The following TRPM3 variants were observed in gnomAD, a reference collection of about 807,000 sequenced individuals.
TRPM3 encodes transient receptor potential cation channel subfamily M member 3, also known as long transient receptor potential channel 3.
In TRPM3, 77 loss-of-function variants were observed where a neutral mutation model predicts 181.2. The observed-to-expected ratio is 0.42, with a 90% CI of 0.35 to 0.51. The LOEUF (loss-of-function observed/expected upper bound fraction) is 0.51, where lower values mean the gene tolerates loss of function less well. Ranked by LOEUF, TRPM3 falls within the 20% of genes least tolerant of loss-of-function variation. TRPM3 has a pLI of 0.01. For missense variants in TRPM3, 1,759 were observed against 2,196.7 expected, an observed-to-expected ratio of 0.80 and a Z score of 3.98; for synonymous variants, 745 against 796.4, an observed-to-expected ratio of 0.94 and a Z score of 1.09.
intron 9 of TRPM3, among the ~76,000 whole-genome samples, chr9:70,655,331 G>GAAAAAGAAA (rs2060192610): frequency 1.0e-5 from 1 of 96,248 alleles, no homozygotes; most frequent in African/African-American, 4.2e-5. Flanking sequence ...AAAAAAAAAA[G>GAAAAAGAAA]AAAAAGAAAA....
intron 1 of TRPM3, among the ~76,000 whole-genome samples, chr9:71,347,586 A>G (rs575965180): frequency 1.8e-4 from 27 of 152,234 alleles, no homozygotes; most frequent in African/African-American, 5.1e-4. Context: ...TGCTCCCCAG[A>G]CAATAAATTC....
chr9:71,190,604 A>G (rs2077960108), intron 1 of TRPM3, among the ~76,000 whole-genome samples: 1 of 151,948 alleles, frequency 6.6e-6, no homozygotes, highest in Non-Finnish European at 1.5e-5. Context: ...AATTTTGTAT[A>G]AACATTTCAA....
At chr9:70,691,444 TTAAG>T (rs577586456) in intron 8 of TRPM3, among the ~76,000 whole-genome samples, 340 of 152,318 alleles carry the variant, frequency 2.2e-3, no homozygotes, top group Non-Finnish European at 3.8e-3. Context: ...TTAGGTTACT[TTAAG>T]TAGGAGATTG....
chr9:70,747,994 C>CA (rs1158126727), intron 8 of TRPM3, among the ~76,000 whole-genome samples: 2 of 151,798 alleles, frequency 1.3e-5, no homozygotes, highest in African/African-American at 4.8e-5. Flanking sequence ...GGAAAAGAGC[C>CA]AATAATTGAT....
chr9:71,306,136 C>T (rs890451687), intron 1 of TRPM3, among the ~76,000 whole-genome samples: 7 of 152,122 alleles, frequency 4.6e-5, no homozygotes, highest in Non-Finnish European at 2.9e-5. Flanking sequence ...AGAGAGCACA[C>T]GGCCTTGCTT....
At chr9:71,335,671 A>G (rs184060348) in intron 1 of TRPM3, among the ~76,000 whole-genome samples, 5 of 152,326 alleles carry the variant, frequency 3.3e-5, no homozygotes, top group Admixed American at 2.0e-4. Context: ...GAATACAGAA[A>G]TAACCTTTTT....
At chr9:71,048,092 A>C (rs2059668251) in intron 1 of TRPM3, among the ~76,000 whole-genome samples, 1 of 152,232 alleles carries the variant, frequency 6.6e-6, no homozygotes, top group African/African-American at 2.4e-5. Context: ...TACAAAAGTT[A>C]TCACAGTTTT....
At chr9:70,567,917 T>C (rs1181411683) in intron 22 of TRPM3, among the ~76,000 whole-genome samples, 1 of 151,998 alleles carries the variant, frequency 6.6e-6, no homozygotes, top group Non-Finnish European at 1.5e-5. Flanking sequence ...TCAATGATCA[T>C]ACAAATATAC....
chr9:70,853,011 G>T (rs553607588), intron 3 of TRPM3, among the ~76,000 whole-genome samples: 1 of 152,148 alleles, frequency 6.6e-6, no homozygotes, highest in Admixed American at 6.5e-5. Context: ...TCCCTATGTT[G>T]CAAGAGCTTT....
chr9:71,414,858 G>T (rs1392227840), intron 1 of TRPM3, among the ~76,000 whole-genome samples: 1 of 152,032 alleles, frequency 6.6e-6, no homozygotes, highest in Non-Finnish European at 1.5e-5. Flanking sequence ...TGAGGTGACA[G>T]GAAAAGAGCA....
Position 70,625,418 on chromosome 9 carries a change from G to GT in TRPM3, c.1668+63dup. On this transcript the variant is annotated intron_variant, in intron 13 of 25. Transcript: ENST00000677713. The surrounding 1 kb of genome is among the most constrained non-coding windows in gnomAD (Gnocchi z 4.8). Reference sequence around the variant, plus strand: ...CTACTTCACGTATTCTGTAACTAGAGTAAAAAAAAAATAATGAAAAAAGAA... The same window carrying GT: ...CTACTTCACGTATTCTGTAACTAGAGTTAAAAAAAAAATAATGAAAAAAGAA... 3 of 1,579,966 alleles carry GT rather than the reference G, an allele frequency of 1.9e-6. No homozygotes were observed. The South Asian group carries it at 3.5e-5, about 18-fold the overall frequency.
Position 70,864,417 on chromosome 9 carries a change from A to G in TRPM3, c.257+15T>C, listed in dbSNP as rs762585591. 3.4e-6 allele frequency: 5 copies of G among 1,478,212 alleles called. No homozygotes were observed. In the Admixed American group the frequency reaches 1.1e-4, roughly 32 times the overall value. The allele number at this position is 1,478,212 out of a possible 1,614,324, so 91.6% of individuals were successfully genotyped here. A position where few individuals can be genotyped will look rare whatever the true frequency, so the allele number is the denominator to read the frequency against. On this transcript the variant is annotated intron_variant, in intron 2 of 25. Transcript: ENST00000677713. ...TACTACTTCATGTTCTCAACATTAT[A>G]GACAGCAAGATTACCTATGGGGGTC...
chr9:70,582,029 C>T (rs1472270989), intron 22 of TRPM3, among the ~76,000 whole-genome samples: 1 of 151,846 alleles, frequency 6.6e-6, no homozygotes, highest in Non-Finnish European at 1.5e-5. Flanking sequence ...TGCACATATA[C>T]TACAATCATG....
intron 1 of TRPM3, among the ~76,000 whole-genome samples, chr9:70,945,686 G>A (rs1429674539): frequency 6.6e-6 from 1 of 152,130 alleles, no homozygotes; most frequent in Non-Finnish European, 1.5e-5. Flanking sequence ...GAAAACCTGA[G>A]TATTGTAGCT....
chr9:70,876,280 C>T (rs1215779974), intron 1 of TRPM3, among the ~76,000 whole-genome samples: 3 of 148,808 alleles, frequency 2.0e-5, no homozygotes, highest in African/African-American at 7.4e-5. Context: ...TACATACATA[C>T]ACACACACAT....
intron 1 of TRPM3, among the ~76,000 whole-genome samples, chr9:71,025,887 G>T (rs2097892119): frequency 6.6e-6 from 1 of 152,212 alleles, no homozygotes; most frequent in African/African-American, 2.4e-5. Context: ...GGAAGACATA[G>T]ATGCTGGGCT....
At chr9:70,912,193 AG>A (rs2133161176) in intron 1 of TRPM3, among the ~76,000 whole-genome samples, 1 of 152,350 alleles carries the variant, frequency 6.6e-6, no homozygotes, top group East Asian at 1.9e-4. Flanking sequence ...AATATTTAAA[AG>A]GATAAATGTA....
At chr9:70,772,344 A>T (rs2080469039) in intron 7 of TRPM3, among the ~76,000 whole-genome samples, 1 of 148,958 alleles carries the variant, frequency 6.7e-6, no homozygotes, top group Non-Finnish European at 1.5e-5. Flanking sequence ...TTGAAGCAGG[A>T]CCTTGCTCTG....
chr9:71,350,403 GACA>G (rs1352653265), intron 1 of TRPM3, among the ~76,000 whole-genome samples: 1 of 152,118 alleles, frequency 6.6e-6, no homozygotes, highest in African/African-American at 2.4e-5. Context: ...ATGTTCCAAT[GACA>G]ATGCAGATTC....
Sources: gnomAD v4.1 joint callset for allele counts (sites outside exome capture counted in the v4.1 genomes callset) on GRCh38, gnomAD v4.1.1 for gene constraint, Gnocchi (gnomAD v3.1) non-coding constraint, MANE v1.5 for transcripts, NCBI Gene and HGNC (gene_info 2026-07-23, HGNC 2026-07-21) for gene names.